HIPK1: variants seen among roughly 807,000 people sequenced by gnomAD.
HIPK1 encodes homeodomain interacting protein kinase 1.
Under a neutral mutation model 117.1 loss-of-function variants are expected in HIPK1, and 28 were observed. The observed-to-expected ratio is 0.24, with a 90% confidence interval of 0.18 to 0.33. The LOEUF (loss-of-function observed/expected upper bound fraction) is 0.33. Among genes scored for constraint, HIPK1 ranks in the 10% least tolerant of loss-of-function variants. The pLI is 1.00. For missense variants in HIPK1, 1,122 were observed against 1,475.1 expected (o/e 0.76, Z 3.92); for synonymous variants, 605 against 562.5 (o/e 1.08, Z -1.07).
Position 113,956,639 on chromosome 1 carries a change from A to C in HIPK1, c.1420A>C (p.Thr474Pro). 6.2e-7 allele frequency: 1 copy of C among 1,612,772 alleles called. No individual in the cohort carries two copies. The highest frequency in any genetic ancestry group is 8.5e-7 in the Non-Finnish European group (1 of 1,179,496). The change falls in exon 6 of 16, where the codon ACA becomes CCA. Residue 474 changes from threonine (T) to proline (P), a missense_variant. Physicochemically the swap from Thr to Pro is conservative, Grantham distance 38. Around this residue, in one of 6 missense-constraint regions of HIPK1, gnomAD observed 127 missense variants for 197.9 expected, o/e 0.64. Coordinates refer to ENST00000426820, the MANE Select transcript of HIPK1 (RefSeq NM_198268.3). ...TTTTCTTTGGAAGGTGAATATGTCT[A>C]CAGACCTGGAGGGAACAGACATGTT... ...LDDMAQVNMS[T>P]DLEGTDMLAE...
At position 113,940,782 on chromosome 1, in the gene HIPK1, C is replaced by T. The variant is rs374358151; in HGVS notation, c.399C>T (p.Asn133=). The T allele has an allele frequency of 7.9e-5, 128 of 1,614,022 alleles. No individual in the cohort carries two copies. The highest frequency in any genetic ancestry group is 7.4e-4 in the East Asian group (33 of 44,878). Residue 133 remains asparagine (N), a synonymous_variant, in exon 2 of 16, where the codon AAC becomes AAT. Transcript: ENST00000426820. ...LKRKSEEVDS[N]GSVQIIEEHP... ...GAAAAAGTGAGGAAGTTGACAGCAA[C>T]GGTAGTGTGCAGATCATAGAAGAAC... is the stretch of plus-strand genomic sequence containing the variant.
chr1:113,940,337 T>G, intron 1 of HIPK1, 45 bp from the exon 2 acceptor site: 1 of 1,481,750 alleles, frequency 6.7e-7, no homozygotes, highest in Non-Finnish European at 9.1e-7. Context: ...CTAAGCCTTG[T>G]ATCTTTTATC....
chr1:113,942,832 T>C (rs1670740760), intron 2 of HIPK1, among the ~76,000 whole-genome samples: 1 of 152,182 alleles, frequency 6.6e-6, no homozygotes, highest in Non-Finnish European at 1.5e-5. Context: ...GAATCTAATA[T>C]TTAGTTTTAA....
Position 113,973,357 on chromosome 1 carries a change from G to A in HIPK1, c.3478G>A (p.Val1160Ile). The A allele has an allele frequency of 6.2e-7, 1 of 1,614,122 alleles. No homozygotes were observed. Among genetic ancestry groups the A allele is most frequent in the Non-Finnish European group, 8.5e-7 (1 of 1,180,018 alleles). Residue 1160 changes from valine (V) to isoleucine (I), a missense_variant, in exon 16 of 16, where the codon GTT becomes ATT. Physicochemically the swap from Val to Ile is conservative, Grantham distance 29 (BLOSUM62 3). Transcript: ENST00000426820. ...STLVHQVPVSVGPSLLTSASV... is the reference protein window; with the variant it reads ...STLVHQVPVSIGPSLLTSASV... The stretch of plus-strand genomic sequence containing the variant: ...TTTGGTGCACCAGGTCCCTGTCAGT[G>A]TTGGGCCCAGCCTCCTCACTTCTGC...
rs1334635900 is a variant in HIPK1 at position 113,929,670 on chromosome 1, C to T, written c.-3+138C>T. The T allele has an allele frequency of 6.7e-6, 6 of 900,894 alleles. No individual in the cohort carries two copies. In the South Asian group the frequency reaches 1.1e-4, roughly 16 times the overall value. 55.8% of individuals were successfully genotyped at this position (900,894 alleles called of 1,614,324 possible). On this transcript the variant is annotated intron_variant, in intron 1 of 15. Coordinates refer to ENST00000426820, the MANE Select transcript of HIPK1 (RefSeq NM_198268.3). ...GGAGCAAGGGGCCCGGCGGTAGCCCCGGACGGCAGCAGGAGGCCGAGGCGG... is the reference window on the plus strand; with the variant it reads ...GGAGCAAGGGGCCCGGCGGTAGCCCTGGACGGCAGCAGGAGGCCGAGGCGG...
chr1:113,932,337 G>T (rs1418246048), intron 1 of HIPK1: 1 of 150,728 alleles, frequency 6.6e-6, no homozygotes, highest in Admixed American at 6.6e-5. Flanking sequence ...ACTCATTAGC[G>T]CTGGGTAAAA....
chr1:113,970,985 G>T (rs1043142733), intron 14 of HIPK1, among the ~76,000 whole-genome samples: 1 of 152,182 alleles, frequency 6.6e-6, no homozygotes, highest in Non-Finnish European at 1.5e-5. Flanking sequence ...TCTTGTTAAG[G>T]CAGCTGCTTT....
At position 113,972,922 on chromosome 1, in the gene HIPK1, T is replaced by C. The variant is rs1571738689; in HGVS notation, c.3145-102T>C. On this transcript the variant is annotated intron_variant, in intron 15 of 15. Coordinates refer to ENST00000426820, the MANE Select transcript of HIPK1 (RefSeq NM_198268.3). The stretch of plus-strand genomic sequence containing the variant: ...TGTGGGAGATTATGTGCTATACCCA[T>C]TCGAAAACAGTACAAGTCAGAACCT... 8 of 1,322,134 alleles carry C rather than the reference T, an allele frequency of 6.1e-6. No individual in the cohort carries two copies. The East Asian group carries it at 1.7e-4, about 28-fold the overall frequency. The allele number at this position is 1,322,134 out of a possible 1,614,324, so 81.9% of individuals were successfully genotyped here.
chr1:113,960,683 T>G (rs1672043866), intron 8 of HIPK1, among the ~76,000 whole-genome samples: 2 of 152,232 alleles, frequency 1.3e-5, no homozygotes, highest in Admixed American at 1.3e-4. Flanking sequence ...TTGGATAACA[T>G]TGCCTACGGA....
At chr1:113,959,237 A>G (rs1277936566) in intron 8 of HIPK1, among the ~76,000 whole-genome samples, 1 of 151,660 alleles carries the variant, frequency 6.6e-6, no homozygotes, top group East Asian at 1.9e-4. Flanking sequence ...ATTGACCGTG[A>G]CTCTCTTGTT....
rs1422155634 is a variant in HIPK1 at position 113,941,425 on chromosome 1, G to A, written c.1042G>A (p.Val348Met). ...FGSASHVSKAVCSTYLQSRYY... is the reference protein window; with the variant it reads ...FGSASHVSKAMCSTYLQSRYY... ...TTCTGCTAGTCACGTTTCCAAAGCT[G>A]TGTGCTCAACCTACTTACAGTCACG... The change falls in exon 2 of 16, where the codon GTG (valine) becomes ATG (methionine). Residue 348 changes from valine (V) to methionine (M), a missense_variant. Val to Met is a conservative substitution (Grantham distance 21). Transcript: ENST00000426820. The surrounding 1 kb of genome is among the most constrained non-coding windows in gnomAD (Gnocchi z 4.9). The A allele has an allele frequency of 6.2e-7, 1 of 1,614,078 alleles. No homozygotes were observed. The highest frequency in any genetic ancestry group is 8.5e-7 in the Non-Finnish European group (1 of 1,179,968).
chr1:113,965,685 T>C (rs557377489), intron 10 of HIPK1, among the ~76,000 whole-genome samples: 2 of 152,232 alleles, frequency 1.3e-5, no homozygotes, highest in Non-Finnish European at 2.9e-5. Flanking sequence ...TTTTGTTTTA[T>C]GGGTTGAATT....
In HIPK1 at chr1:113,973,161, G is replaced by A. The variant is rs901266345; in HGVS notation, c.3282G>A (p.Gly1094=). 8.1e-6 allele frequency: 13 copies of A among 1,608,272 alleles called. No homozygotes were observed. In the South Asian group the frequency reaches 1.0e-4, roughly 12 times the overall value. ...FQHGSPLHST[G]HPHLAPAPAH... ...ATGGCAGCCCGCTACACTCGACAGGGCACCCACACCTTGCCCCGGCCCCTG... is the reference window on the plus strand; with the variant it reads ...ATGGCAGCCCGCTACACTCGACAGGACACCCACACCTTGCCCCGGCCCCTG... Residue 1094 remains glycine (G), a synonymous_variant, in exon 16 of 16, where the codon GGG becomes GGA. Coordinates refer to ENST00000426820, the MANE Select transcript of HIPK1 (RefSeq NM_198268.3).
At chr1:113,964,185 G>T (rs1672308226) in intron 10 of HIPK1, among the ~76,000 whole-genome samples, 1 of 152,126 alleles carries the variant, frequency 6.6e-6, no homozygotes, top group African/African-American at 2.4e-5. Context: ...AGGTCATATT[G>T]TTGGTTGAAA....
chr1:113,970,351 G>T (rs1230521223), intron 14 of HIPK1, among the ~76,000 whole-genome samples, 154 bp downstream of exon 14: 1 of 152,226 alleles, frequency 6.6e-6, no homozygotes, highest in Non-Finnish European at 1.5e-5. Context: ...TGCACAATGT[G>T]AAATTATTTT....
intron 15 of HIPK1, among the ~76,000 whole-genome samples, chr1:113,972,505 G>C (rs1672905438): frequency 6.6e-6 from 1 of 152,092 alleles, no homozygotes; most frequent in African/African-American, 2.4e-5. Flanking sequence ...GCTAAAATTC[G>C]AGTGCTTGTA....
At chr1:113,968,056 T>A in intron 12 of HIPK1, 108 bp downstream of exon 12, 1 of 969,572 alleles carries the variant, frequency 1.0e-6, no homozygotes, top group Non-Finnish European at 1.5e-6. Context: ...AAGCAGCAAG[T>A]AGCTGCCAAA....
At position 113,974,182 on chromosome 1, in the gene HIPK1, T is replaced by G. The variant is rs1673020495; in HGVS notation, c.*670T>G. ...TTACTATTGAGATTCTCTCAATTGC[T>G]CCTGTGTTTGTTATAAAGTAGTGTT... is the stretch of plus-strand genomic sequence containing the variant. On this transcript the variant is annotated 3_prime_UTR_variant, in exon 16 of 16. Coordinates refer to ENST00000426820, the MANE Select transcript of HIPK1 (RefSeq NM_198268.3). 1.3e-5 allele frequency: 2 copies of G among 152,376 alleles called. No homozygotes were observed. The allele number at this position is 152,376 out of a possible 1,614,324, so 9.4% of individuals were successfully genotyped here.
chr1:113,957,945 G>A (rs1671834453), intron 7 of HIPK1, 121 bp from the exon 8 acceptor site: 2 of 725,384 alleles, frequency 2.8e-6, no homozygotes, highest in African/African-American at 3.6e-5. Flanking sequence ...TTATTTCAGA[G>A]GCAGTTAACA....
Sources: allele counts gnomAD v4.1 joint callset (sites outside exome capture counted in the v4.1 genomes callset), GRCh38; gene constraint gnomAD v4.1.1; regional missense constraint gnomAD v4.1.1; non-coding constraint Gnocchi (gnomAD v3.1); transcripts MANE v1.5; gene names NCBI Gene and HGNC (gene_info 2026-07-23, HGNC 2026-07-21).